Variants in ACOXL observed in about 807,000 individuals in gnomAD.
ACOXL encodes the protein acyl-coenzyme A oxidase-like protein.
In ACOXL, 70 loss-of-function variants were observed where a neutral mutation model predicts 71.9. That is an observed-to-expected ratio of 0.97 (90% CI 0.80 to 1.19). The LOEUF (loss-of-function observed/expected upper bound fraction) is 1.19, where lower values mean the gene tolerates loss of function less well. ACOXL is among the 50% of genes most tolerant of loss of function. ACOXL has a pLI of 0.00. For synonymous variants in ACOXL, 253 were observed against 281.6 expected, an observed-to-expected ratio of 0.90 and a Z score of 1.02; for missense variants, 703 against 736.3, an observed-to-expected ratio of 0.95 and a Z score of 0.52.
At chr2:111,083,696 T>A (rs1054976783) in intron 16 of ACOXL, among the ~76,000 whole-genome samples, 6 of 151,870 alleles carry the variant, frequency 4.0e-5, no homozygotes, top group Non-Finnish European at 7.4e-5. Context: ...GGTCCAGGCA[T>A]ACAAACACAC....
At chr2:110,965,934 T>G (rs1291062138) in intron 12 of ACOXL, among the ~76,000 whole-genome samples, 2 of 152,050 alleles carry the variant, frequency 1.3e-5, no homozygotes, top group East Asian at 3.9e-4. Context: ...AGACACCTAA[T>G]CCCCTAGCCA....
chr2:110,869,382 A>G (rs1694989857), intron 10 of ACOXL, among the ~76,000 whole-genome samples: 2 of 152,166 alleles, frequency 1.3e-5, no homozygotes, highest in Admixed American at 1.3e-4. Context: ...AGAAAACTGC[A>G]TTTCTGTGTT....
intron 1 of ACOXL, among the ~76,000 whole-genome samples, chr2:110,742,213 TG>T (rs1677639267): frequency 6.6e-6 from 1 of 152,206 alleles, no homozygotes; most frequent in Non-Finnish European, 1.5e-5. Context: ...TGGGTAATTT[TG>T]TAAAGGCTTT....
intron 15 of ACOXL, among the ~76,000 whole-genome samples, chr2:111,046,481 C>T (rs113908788): frequency 0.016 from 2,378 of 152,244 alleles, 72 homozygotes; most frequent in African/African-American, 0.055. Flanking sequence ...CACAGTTCTG[C>T]AGGGTTGGGG....
intron 1 of ACOXL, among the ~76,000 whole-genome samples, chr2:110,744,697 G>A (rs1677978160): frequency 6.6e-6 from 1 of 152,188 alleles, no homozygotes; most frequent in Non-Finnish European, 1.5e-5. Flanking sequence ...CACAGGAGTT[G>A]GTTCAGAAAC....
At chr2:110,857,972 C>T (rs1049364666) in intron 10 of ACOXL, among the ~76,000 whole-genome samples, 1 of 152,160 alleles carries the variant, frequency 6.6e-6, no homozygotes, top group African/African-American at 2.4e-5. Flanking sequence ...GCAATCCACC[C>T]ACCTCGGCCT....
In ACOXL at chr2:110,777,238, A is replaced by G. The variant is rs567652268; in HGVS notation, c.76-7494A>G. Among the ~76,000 whole-genome samples the G allele has an allele frequency of 3.3e-5, 5 of 152,282 alleles. No homozygotes were observed. The South Asian group carries it at 1.0e-3, about 32-fold the overall frequency. On this transcript the variant is annotated intron_variant, in intron 2 of 17. Transcript: ENST00000439055. ...ATAAGGCTGGAGGGATCCCCATGGC[A>G]TGGGTGTTGACAGAGAAGGGGAGGC...
chr2:110,817,511 T>G (rs1408611189), intron 9 of ACOXL, among the ~76,000 whole-genome samples: 2 of 152,226 alleles, frequency 1.3e-5, no homozygotes, highest in African/African-American at 4.8e-5. Context: ...TGCAGCATCT[T>G]CAGTTTCTTG....
At chr2:110,763,381 C>T (rs1680650370) in intron 1 of ACOXL, among the ~76,000 whole-genome samples, 1 of 152,140 alleles carries the variant, frequency 6.6e-6, no homozygotes, top group Admixed American at 6.5e-5. Flanking sequence ...AATGGACTCA[C>T]ATAAATATAG....
chr2:110,900,317 T>G (rs2059184414), intron 10 of ACOXL, among the ~76,000 whole-genome samples: 1 of 152,068 alleles, frequency 6.6e-6, no homozygotes, highest in Non-Finnish European at 1.5e-5. Flanking sequence ...TTGGGGAAAA[T>G]TTAAAATGGC....
Position 110,789,127 on chromosome 2 carries a change from C to G in ACOXL, c.159+4312C>G, listed in dbSNP as rs80234830. 6.7e-3 allele frequency among the ~76,000 whole-genome samples: 1,024 copies of G among 152,300 alleles called. 11 individuals carry two copies. Among genetic ancestry groups the G allele is most frequent in the Non-Finnish European group, 0.012 (787 of 68,028 alleles). On this transcript the variant is annotated intron_variant, in intron 3 of 17. Coordinates refer to ENST00000439055, the MANE Select transcript of ACOXL (RefSeq NM_001142807.4). ...TTGTACTCACACAGCCAAGTGCTGG[C>G]AGGGCTGGGGGCTGGCTCTGAGAGT... is the stretch of plus-strand genomic sequence containing the variant.
chr2:110,899,341 G>A (rs1368153846), intron 10 of ACOXL, among the ~76,000 whole-genome samples: 4 of 152,226 alleles, frequency 2.6e-5, no homozygotes, highest in Non-Finnish European at 4.4e-5. Flanking sequence ...ACGGGAACCT[G>A]GAGAATGTTG....
At chr2:111,027,617 GC>G (rs2065078260) in intron 14 of ACOXL, among the ~76,000 whole-genome samples, 1 of 152,144 alleles carries the variant, frequency 6.6e-6, no homozygotes, top group African/African-American at 2.4e-5. Flanking sequence ...ACCGCACTTG[GC>G]CCCTTGTTTT....
At chr2:111,078,335 G>A (rs2067711518) in intron 16 of ACOXL, among the ~76,000 whole-genome samples, 3 of 152,120 alleles carry the variant, frequency 2.0e-5, no homozygotes, top group Admixed American at 2.0e-4. Context: ...CGCGATGTCA[G>A]CTCACTGCAA....
At chr2:110,968,207 T>C (rs949320216) in intron 12 of ACOXL, 10 of 1,071,562 alleles carry the variant, frequency 9.3e-6, no homozygotes, top group Non-Finnish European at 8.6e-6. Flanking sequence ...CAAGTGTAGG[T>C]GACTGGCAAT....
intron 12 of ACOXL, among the ~76,000 whole-genome samples, chr2:110,947,266 C>T (rs1169735203): frequency 2.0e-5 from 3 of 152,208 alleles, no homozygotes; most frequent in Non-Finnish European, 4.4e-5. Context: ...TTTCACATTG[C>T]CTCTTTTCTC....
chr2:110,984,352 A>G (rs963098889), intron 12 of ACOXL, among the ~76,000 whole-genome samples: 1 of 151,912 alleles, frequency 6.6e-6, no homozygotes, highest in Non-Finnish European at 1.5e-5. Flanking sequence ...TTCATTGCAC[A>G]CTCAGTCTAG....
chr2:110,971,810 A>C (rs1004702784), intron 12 of ACOXL, among the ~76,000 whole-genome samples: 2 of 152,218 alleles, frequency 1.3e-5, no homozygotes, highest in Non-Finnish European at 2.9e-5. Flanking sequence ...TGTCGTATCA[A>C]AAAATCTTCT....
At chr2:110,741,555 GT>G (rs1276615397) in intron 1 of ACOXL, among the ~76,000 whole-genome samples, 6 of 152,182 alleles carry the variant, frequency 3.9e-5, no homozygotes, top group Admixed American at 3.9e-4. Flanking sequence ...GCACCCGCGT[GT>G]TTGTGTGTGT....
Sources: allele counts gnomAD v4.1 joint callset (sites outside exome capture counted in the v4.1 genomes callset), GRCh38; gene constraint gnomAD v4.1.1; transcripts MANE v1.5; gene names NCBI Gene and HGNC (gene_info 2026-07-23, HGNC 2026-07-21).